Variants in IMPG2 observed in about 807,000 individuals in gnomAD.
IMPG2 encodes the protein IPM 200.
Under a neutral mutation model 129.2 loss-of-function variants are expected in IMPG2, and 91 were observed. The ratio of observed to expected loss-of-function variants is 0.70; its 90% CI spans 0.59 to 0.84. The LOEUF is 0.84. IMPG2 is among the 40% of genes least tolerant of loss of function. IMPG2 has a pLI of 0.00. For synonymous variants in IMPG2, 510 were observed against 517.7 expected (o/e 0.99, Z 0.20); for missense variants, 1,430 against 1,461.7 (o/e 0.98, Z 0.35).
intron 9 of IMPG2, among the ~76,000 whole-genome samples, chr3:101,261,912 C>A (rs1170069855): frequency 2.0e-5 from 3 of 152,092 alleles, no homozygotes; most frequent in Non-Finnish European, 2.9e-5. Context: ...AGTTAACTAA[C>A]CACCACTGGA....
intron 14 of IMPG2, among the ~76,000 whole-genome samples, chr3:101,237,043 A>G (rs1458683663): frequency 6.6e-6 from 1 of 152,162 alleles, no homozygotes; most frequent in African/African-American, 2.4e-5. Context: ...AGGGGCGTCC[A>G]CCATTACTGA....
At chr3:101,302,436 G>A (rs1707149079) in intron 3 of IMPG2, among the ~76,000 whole-genome samples, 1 of 152,154 alleles carries the variant, frequency 6.6e-6, no homozygotes, top group Non-Finnish European at 1.5e-5. Flanking sequence ...GCTATCCCAT[G>A]TTAGCCACTG....
intron 10 of IMPG2, among the ~76,000 whole-genome samples, chr3:101,255,568 A>G (rs780232971): frequency 4.6e-5 from 7 of 152,082 alleles, no homozygotes; most frequent in South Asian, 2.1e-4. Context: ...CTTCTGCTCA[A>G]TGTAGGTTCT....
chr3:101,243,668 TCTC>T lies in IMPG2; in HGVS notation c.2660_2662del (p.Gly887del), dbSNP rs1458831852. On this transcript the variant is annotated inframe_deletion, in exon 13 of 19. Coordinates refer to ENST00000193391, the MANE Select transcript of IMPG2 (RefSeq NM_016247.4). Reference sequence around the variant, plus strand: ...TGAAGTCTGGGTATAACTCAAGTCATCTCCTCCTTCTGTGGGCCAAGCCACACT... The same window carrying T: ...TGAAGTCTGGGTATAACTCAAGTCATCTCCTTCTGTGGGCCAAGCCACACT... The T allele has an allele frequency of 6.2e-7, 1 of 1,614,012 alleles. No individual in the cohort carries two copies. Among genetic ancestry groups the T allele is most frequent in the Admixed American group, 1.7e-5 (1 of 59,970 alleles).
chr3:101,299,797 C>A (rs1217994020), intron 3 of IMPG2, among the ~76,000 whole-genome samples: 1 of 152,188 alleles, frequency 6.6e-6, no homozygotes, highest in African/African-American at 2.4e-5. Context: ...GATCTCTGAC[C>A]TCAAGGGGCA....
intron 8 of IMPG2, among the ~76,000 whole-genome samples, chr3:101,268,191 T>C (rs890129955): frequency 2.6e-5 from 4 of 152,234 alleles, no homozygotes; most frequent in African/African-American, 9.6e-5. Context: ...AATTGTCTTT[T>C]TTATACAAAC....
intron 14 of IMPG2, 111 bp downstream of exon 14, chr3:101,242,577 T>C: frequency 6.1e-6 from 5 of 815,180 alleles, no homozygotes; most frequent in Admixed American, 1.8e-5. Context: ...TCTGACATAG[T>C]ACTCTTTTTT....
intron 15 of IMPG2, among the ~76,000 whole-genome samples, chr3:101,232,064 T>C (rs1235739760): frequency 6.6e-6 from 1 of 152,174 alleles, no homozygotes; most frequent in Non-Finnish European, 1.5e-5. Context: ...TTTAAAAATA[T>C]AATTCAAGTA....
intron 11 of IMPG2, among the ~76,000 whole-genome samples, chr3:101,250,431 G>T (rs1407474545): frequency 6.6e-6 from 1 of 152,186 alleles, no homozygotes; most frequent in East Asian, 1.9e-4. Context: ...GGCTGAGCAT[G>T]CACATGTATG....
chr3:101,234,397 G>A (rs757543975), intron 14 of IMPG2, among the ~76,000 whole-genome samples: 2 of 151,940 alleles, frequency 1.3e-5, no homozygotes, highest in Non-Finnish European at 2.9e-5. Context: ...AGGGAACAGG[G>A]CCTGGCCAAC....
chr3:101,283,350 T>C (rs1706914082), intron 4 of IMPG2, among the ~76,000 whole-genome samples: 1 of 152,162 alleles, frequency 6.6e-6, no homozygotes. Flanking sequence ...TTAAAAAATG[T>C]ATTGTTGACA....
rs1396502275 is a variant in IMPG2 at position 101,223,118 on chromosome 3, T to C, written c.*3851A>G. The C allele has an allele frequency of 1.3e-5, 2 of 152,228 alleles. No individual in the cohort carries two copies. The highest frequency in any genetic ancestry group is 3.8e-4 in the East Asian group (2 of 5,200). 9.4% of individuals were successfully genotyped at this position (152,228 alleles called of 1,614,324 possible). A position where few individuals can be genotyped will look rare whatever the true frequency, so the allele number is the denominator to read the frequency against. On this transcript the variant is annotated 3_prime_UTR_variant, in exon 19 of 19. Coordinates refer to ENST00000193391, the MANE Select transcript of IMPG2 (RefSeq NM_016247.4). Reference sequence around the variant, plus strand: ...AATTTCCAGGCAATTCTTTACATCATGGTACCCTCCCATATTTCCACCTTC... The same window carrying C: ...AATTTCCAGGCAATTCTTTACATCACGGTACCCTCCCATATTTCCACCTTC...
intron 3 of IMPG2, among the ~76,000 whole-genome samples, chr3:101,295,185 T>C (rs1296845822): frequency 6.6e-6 from 1 of 152,174 alleles, no homozygotes; most frequent in African/African-American, 2.4e-5. Flanking sequence ...ATTGCCTAGG[T>C]TTTCTTCTAG....
intron 3 of IMPG2, among the ~76,000 whole-genome samples, chr3:101,299,044 T>C (rs1215782484): frequency 2.6e-5 from 4 of 152,226 alleles, no homozygotes; most frequent in African/African-American, 4.8e-5. Context: ...CCACTCATCA[T>C]AGGTTTGGTT....
chr3:101,276,823 G>T (rs963452603), intron 4 of IMPG2, 110 bp from the exon 5 acceptor site: 2 of 752,858 alleles, frequency 2.7e-6, no homozygotes, highest in Admixed American at 2.6e-5. Context: ...CCAAGTAAGG[G>T]CTCCCAAGCA....
intron 15 of IMPG2, 62 bp from the exon 16 acceptor site, chr3:101,231,207 G>A (rs1020215065): frequency 6.7e-7 from 1 of 1,499,332 alleles, no homozygotes; most frequent in Non-Finnish European, 9.3e-7. Context: ...ACAATTAACA[G>A]CAGAACCTTC....
In IMPG2 at chr3:101,225,965, C is replaced by T. The variant is rs552826878; in HGVS notation, c.*1004G>A. The T allele has an allele frequency of 9.1e-5, 14 of 154,502 alleles. No individual in the cohort carries two copies. Among genetic ancestry groups the T allele is most frequent in the African/African-American group, 3.1e-4 (13 of 41,488 alleles). 9.6% of individuals were successfully genotyped at this position (154,502 alleles called of 1,614,324 possible). A position where few individuals can be genotyped will look rare whatever the true frequency, so the allele number is the denominator to read the frequency against. On this transcript the variant is annotated 3_prime_UTR_variant, in exon 19 of 19. Coordinates refer to ENST00000193391, the MANE Select transcript of IMPG2 (RefSeq NM_016247.4). ...GTTAATTTAGACAGGAGGTATTACA[C>T]AAAGGAGAAGCAATGAAAATGAGCT...
At chr3:101,262,503 T>C (rs546845584) in intron 9 of IMPG2, among the ~76,000 whole-genome samples, 132 of 152,152 alleles carry the variant, frequency 8.7e-4, no homozygotes, top group Non-Finnish European at 4.7e-4. Context: ...GCTGAATAAT[T>C]TTGAAAACTA....
intron 4 of IMPG2, among the ~76,000 whole-genome samples, chr3:101,282,264 AAGAT>A (rs1181120259): frequency 1.3e-5 from 2 of 152,152 alleles, no homozygotes; most frequent in African/African-American, 4.8e-5. Flanking sequence ...CAAGCGGAGA[AAGAT>A]AGGCTGAGTA....
Sources: gnomAD v4.1 joint callset for allele counts (sites outside exome capture counted in the v4.1 genomes callset) on GRCh38, gnomAD v4.1.1 for gene constraint, MANE v1.5 for transcripts, NCBI Gene and HGNC (gene_info 2026-07-23, HGNC 2026-07-21) for gene names.